Variants in GPC3 observed in about 807,000 individuals in gnomAD.
GPC3 encodes glypican 3, also known as glypican-3.
A neutral mutation model predicts 34.4 loss-of-function variants in GPC3; 3 were observed. The observed-to-expected ratio is 0.09, with a 90% CI of 0.04 to 0.23. The LOEUF (loss-of-function observed/expected upper bound fraction) is 0.23, where lower values mean the gene tolerates loss of function less well. Ranked by LOEUF, GPC3 falls within the 10% of genes least tolerant of loss-of-function variation. GPC3 has a pLI of 1.00. For synonymous variants in GPC3, 177 were observed against 174.0 expected (o/e 1.02, Z -0.13); for missense variants, 351 against 445.6 (o/e 0.79, Z 1.91).
intron 4 of GPC3, among the ~76,000 whole-genome samples, chrX:133,695,191 G>C (rs1370718499): frequency 3.6e-5 from 4 of 111,286 alleles, no homozygotes; most frequent in African/African-American, 1.3e-4. Context: ...GAATCCATCG[G>C]ATCTTGTGAG....
intron 4 of GPC3, among the ~76,000 whole-genome samples, chrX:133,697,579 T>C (rs1287743082): frequency 8.9e-6 from 1 of 111,858 alleles, no homozygotes; most frequent in African/African-American, 3.3e-5. Context: ...CTAGCTCTGA[T>C]TTGGCACTCA....
At chrX:133,729,572 C>T (rs1307246397) in intron 3 of GPC3, among the ~76,000 whole-genome samples, 1 of 111,933 alleles carries the variant, frequency 8.9e-6, no homozygotes, top group Non-Finnish European at 1.9e-5. Flanking sequence ...TTTTTCATCT[C>T]TCTATCTGTA....
intron 5 of GPC3, among the ~76,000 whole-genome samples, chrX:133,687,379 CAG>C (rs1393138927): frequency 1.1e-5 from 1 of 90,979 alleles, no homozygotes; most frequent in Non-Finnish European, 2.2e-5. Context: ...CCTGAATTAT[CAG>C]AGTTTTTTTT....
intron 2 of GPC3, among the ~76,000 whole-genome samples, chrX:133,848,937 G>C (rs894757967): frequency 6.3e-5 from 7 of 111,004 alleles, no homozygotes; most frequent in African/African-American, 2.0e-4. Context: ...TAGATAAAAT[G>C]GGGGAAACAT....
intron 7 of GPC3, among the ~76,000 whole-genome samples, chrX:133,557,846 G>A (rs1362975660): frequency 9.0e-6 from 1 of 111,484 alleles, no homozygotes; most frequent in Non-Finnish European, 1.9e-5. Context: ...ATAAGAAGCA[G>A]GCAACAATAT....
chrX:133,546,117 C>A (rs1445223349), intron 7 of GPC3, among the ~76,000 whole-genome samples: 1 of 111,782 alleles, frequency 8.9e-6, no homozygotes, highest in African/African-American at 3.2e-5. Flanking sequence ...CTTATCTCCT[C>A]TTGCTGTTAG....
At chrX:133,693,881 C>A (rs2071089331) in intron 4 of GPC3, among the ~76,000 whole-genome samples, 4 of 111,382 alleles carry the variant, frequency 3.6e-5, no homozygotes, top group Non-Finnish European at 5.6e-5. Flanking sequence ...GTCTGCCTTG[C>A]AAGCCTGGGT....
At chrX:133,976,089 T>C (rs1178375939) in intron 1 of GPC3, among the ~76,000 whole-genome samples, 3 of 112,328 alleles carry the variant, frequency 2.7e-5, no homozygotes, top group South Asian at 7.4e-4. Context: ...CTCTATGATA[T>C]CAGTGACGAT....
At position 133,535,885 on chromosome X, in the gene GPC3, G is replaced by T. The variant is rs992047603; in HGVS notation, c.*239C>A. ...GAGAATAATTTGGCACAACTTGATG[G>T]TTTTTTTTCTTTCTTTGCAAAAGGA... is the stretch of plus-strand genomic sequence containing the variant. On this transcript the variant is annotated 3_prime_UTR_variant, in exon 8 of 8. Coordinates refer to ENST00000370818, the MANE Select transcript of GPC3 (RefSeq NM_004484.4). 7 of 377,739 alleles carry T rather than the reference G, an allele frequency of 1.9e-5. No homozygotes were observed. The highest frequency in any genetic ancestry group is 2.7e-5 in the African/African-American group (1 of 36,419). The allele number at this position is 377,739 out of a possible 1,213,427, so 31.1% of individuals were successfully genotyped here. A position where few individuals can be genotyped will look rare whatever the true frequency, so the allele number is the denominator to read the frequency against.
intron 2 of GPC3, among the ~76,000 whole-genome samples, chrX:133,871,609 A>T (rs1011184786): frequency 5.3e-5 from 6 of 112,350 alleles, no homozygotes. Context: ...CCCTTTAAAA[A>T]TGTAAAAGCC....
At chrX:133,553,437 T>C (rs1480015706) in intron 7 of GPC3, among the ~76,000 whole-genome samples, 1 of 112,272 alleles carries the variant, frequency 8.9e-6, no homozygotes, top group Non-Finnish European at 1.9e-5. Context: ...ACTTTTTTTC[T>C]AGAAATATGT....
chrX:133,861,682 T>C (rs765511517), intron 2 of GPC3, among the ~76,000 whole-genome samples: 1 of 110,748 alleles, frequency 9.0e-6, no homozygotes, highest in East Asian at 2.9e-4. Flanking sequence ...CATCCCTCAA[T>C]GGCTTGGTGC....
chrX:133,663,653 C>G (rs2313923), intron 5 of GPC3, among the ~76,000 whole-genome samples: 1 of 111,512 alleles, frequency 9.0e-6, no homozygotes, highest in East Asian at 2.8e-4. Flanking sequence ...ATAGGCTGTG[C>G]TCTGGAAGTA....
intron 3 of GPC3, among the ~76,000 whole-genome samples, chrX:133,731,633 T>C (rs1209878634): frequency 9.0e-6 from 1 of 111,120 alleles, no homozygotes; most frequent in Non-Finnish European, 1.9e-5. Context: ...ACCCACTTAG[T>C]ATTTGTTTTT....
At chrX:133,796,813 C>T (rs753341178) in intron 2 of GPC3, among the ~76,000 whole-genome samples, 1 of 111,438 alleles carries the variant, frequency 9.0e-6, no homozygotes, top group South Asian at 3.9e-4. Flanking sequence ...AACTTCACTG[C>T]CACTATTTTC....
chrX:133,605,179 G>C (rs771699075), intron 6 of GPC3, among the ~76,000 whole-genome samples: 1 of 108,693 alleles, frequency 9.2e-6, no homozygotes, highest in Non-Finnish European at 1.9e-5. Flanking sequence ...ACGTGGGGGG[G>C]GGGCAATAAA....
intron 2 of GPC3, among the ~76,000 whole-genome samples, chrX:133,791,197 G>A (rs866284259): frequency 9.0e-6 from 1 of 111,620 alleles, no homozygotes; most frequent in South Asian, 3.8e-4. Context: ...AAGGAGCAGC[G>A]ACTCTGCTGG....
chrX:133,588,226 G>C (rs1378884709), intron 7 of GPC3, among the ~76,000 whole-genome samples: 1 of 111,139 alleles, frequency 9.0e-6, no homozygotes, highest in Non-Finnish European at 1.9e-5. Context: ...CAAAGGAAGG[G>C]GAATTGGGAT....
rs10571712 is a variant in GPC3 at position 133,803,978 on chromosome X, CCACACACACACACA to C, written c.338-49816_338-49803del. On this transcript the variant is annotated intron_variant, in intron 2 of 7. Transcript: ENST00000370818. ...GACCCATTCAATGTCTGAGATAAAT[CCACACACACACACA>C]CACACACACACACACACACAGACAC... Among the ~76,000 whole-genome samples, 12 of 94,315 alleles carry C rather than the reference CCACACACACACACA, an allele frequency of 1.3e-4. No individual in the cohort carries two copies. In the Admixed American group the frequency reaches 1.3e-3, roughly 10 times the overall value. 81.9% of individuals were successfully genotyped at this position (94,315 alleles called of 115,157 possible). A position where few individuals can be genotyped will look rare whatever the true frequency, so the allele number is the denominator to read the frequency against.
Sources: allele counts gnomAD v4.1 joint callset (sites outside exome capture counted in the v4.1 genomes callset), GRCh38; gene constraint gnomAD v4.1.1; transcripts MANE v1.5; gene names NCBI Gene and HGNC (gene_info 2026-07-23, HGNC 2026-07-21).